Variants in ASPSCR1 observed in about 807,000 individuals in gnomAD.
ASPSCR1 encodes the protein ASPSCR1 tether for SLC2A4, UBX domain containing, also known as tether containing UBX domain for GLUT4.
Under a neutral mutation model 68.9 loss-of-function variants are expected in ASPSCR1, and 55 were observed. That is an observed-to-expected ratio of 0.80 (90% confidence interval 0.64 to 1.00). The LOEUF (loss-of-function observed/expected upper bound fraction) is 1.00. Ranked by LOEUF, ASPSCR1 falls within the 50% of genes least tolerant of loss-of-function variation. The pLI, the probability that ASPSCR1 is intolerant of heterozygous loss-of-function variation, is 0.00. For missense variants in ASPSCR1, 765 were observed against 762.2 expected (o/e 1.00, Z -0.04); for synonymous variants, 352 against 332.6 (o/e 1.06, Z -0.63).
At chr17:82,016,662 C>A in intron 13 of ASPSCR1, 135 bp downstream of exon 13, 1 of 1,442,882 alleles carries the variant, frequency 6.9e-7, no homozygotes, top group South Asian at 1.2e-5. Context: ...CCCCAGTAAC[C>A]ACCTCCCCGA....
rs1034608668 is a variant in ASPSCR1, at chr17:81,983,144, C to T, written c.159-410C>T. On this transcript the variant is annotated intron_variant, in intron 2 of 15. Coordinates refer to ENST00000306739, the MANE Select transcript of ASPSCR1 (RefSeq NM_024083.4). The surrounding 1 kb of genome is among the most constrained non-coding windows in gnomAD (Gnocchi z 4.4). The stretch of plus-strand genomic sequence containing the variant: ...ACAGGCGTGAGCCACTGCGCCCGGG[C>T]AGTCAGGTTTTCTGTGGTGGCTCCA... Among the ~76,000 whole-genome samples, 1 of 152,248 alleles carries T rather than the reference C, an allele frequency of 6.6e-6. No homozygotes were observed. Among genetic ancestry groups the T allele is most frequent in the African/African-American group, 2.4e-5 (1 of 41,472 alleles).
At chr17:81,996,935 G>A (rs918180592) in intron 7 of ASPSCR1, 89 bp downstream of exon 7, 15 of 1,510,024 alleles carry the variant, frequency 9.9e-6, no homozygotes, top group East Asian at 2.3e-5. Flanking sequence ...GCCTGGTGGC[G>A]TGGCCGTGAT....
chr17:81,995,247 C>T (rs867216769), intron 5 of ASPSCR1: 114 of 407,252 alleles, frequency 2.8e-4, no homozygotes, highest in African/African-American at 1.9e-3. Flanking sequence ...CTCACAGGGG[C>T]CTTTTGTTTC....
intron 7 of ASPSCR1, among the ~76,000 whole-genome samples, chr17:82,001,386 C>G (rs2042525333): frequency 6.6e-6 from 1 of 152,172 alleles, no homozygotes; most frequent in Non-Finnish European, 1.5e-5. Context: ...TGGCCCAGGT[C>G]CCTGCTATGC....
intron 3 of ASPSCR1, among the ~76,000 whole-genome samples, chr17:81,984,773 CCACACACACCCA>C (rs1186163981): frequency 1.3e-5 from 2 of 151,248 alleles, no homozygotes; most frequent in East Asian, 1.9e-4. Context: ...CTGCATGTAC[CCACACACACCCA>C]CACACACCCC....
chr17:81,999,725 C>G lies in ASPSCR1; in HGVS notation c.933+2879C>G, dbSNP rs1033655075. Reference sequence around the variant, plus strand: ...CCCTGGGCACTCGTGCTACGTGTCCCGGAACTCAGGTGAGGTCAGGAGTTT... The same window carrying G: ...CCCTGGGCACTCGTGCTACGTGTCCGGGAACTCAGGTGAGGTCAGGAGTTT... On this transcript the variant is annotated intron_variant, in intron 7 of 15. Coordinates refer to ENST00000306739, the MANE Select transcript of ASPSCR1 (RefSeq NM_024083.4). This position sits in a 1 kb window ranked among gnomAD's most constrained non-coding sequence, Gnocchi z 4.4. 6.6e-6 allele frequency among the ~76,000 whole-genome samples: 1 copy of G among 152,154 alleles called. No homozygotes were observed. The highest frequency in any genetic ancestry group is 6.5e-5 in the Admixed American group (1 of 15,272).
intron 7 of ASPSCR1, chr17:82,004,347 C>G (rs2042637875): frequency 6.6e-6 from 1 of 152,084 alleles, no homozygotes; most frequent in Non-Finnish European, 1.5e-5. Flanking sequence ...CTTCCAGTTT[C>G]GGGGCATCTG....
At position 81,977,651 on chromosome 17, in the gene ASPSCR1, C is replaced by A; in HGVS notation, c.5C>A (p.Ala2Glu). Residue 2 changes from alanine to glutamate, a missense_variant, in exon 1 of 16, where the codon GCG (alanine) becomes GAG (glutamate). Ala to Glu is a moderately radical substitution (Grantham distance 107). Transcript: ENST00000306739. This position sits in a 1 kb window ranked among gnomAD's most constrained non-coding sequence, Gnocchi z 5.0. M[A>E]APAGGGGSAV... ...GGCGGGTCACGTGAGCGGAAAATGG[C>A]GGCCCCGGCAGGCGGCGGAGGCTCC... The A allele has an allele frequency of 2.2e-6, 3 of 1,395,042 alleles. No homozygotes were observed. Among genetic ancestry groups the A allele is most frequent in the Non-Finnish European group, 2.8e-6 (3 of 1,071,684 alleles). 86.4% of individuals were successfully genotyped at this position (1,395,042 alleles called of 1,614,324 possible).
chr17:81,977,768 G>C lies in ASPSCR1; in HGVS notation c.102+20G>C, dbSNP rs2041647454. ...CTTCAGGTGCGGCCGCCCGCCCGGG[G>C]CGGACGGGTAGGCGGGCGGGGGGCG... On this transcript the variant is annotated intron_variant, in intron 1 of 15. Coordinates refer to ENST00000306739, the MANE Select transcript of ASPSCR1 (RefSeq NM_024083.4). The surrounding 1 kb of genome is among the most constrained non-coding windows in gnomAD (Gnocchi z 5.0). 8.2e-7 allele frequency: 1 copy of C among 1,217,394 alleles called. No homozygotes were observed. The highest frequency in any genetic ancestry group is 1.0e-6 in the Non-Finnish European group (1 of 977,696). The allele number at this position is 1,217,394 out of a possible 1,614,324, so 75.4% of individuals were successfully genotyped here. A position where few individuals can be genotyped will look rare whatever the true frequency, so the allele number is the denominator to read the frequency against.
Position 81,987,725 on chromosome 17 carries a change from G to A in ASPSCR1, c.374+2118G>A, listed in dbSNP as rs2042041267. 6.6e-6 allele frequency among the ~76,000 whole-genome samples: 1 copy of A among 151,998 alleles called. No individual in the cohort carries two copies. The highest frequency in any genetic ancestry group is 1.5e-5 in the Non-Finnish European group (1 of 67,988). ...GGCCAGGCGTGGTGGTTCTGGAAGT[G>A]GCTTTGGAGCTGGCTTTGGTGGTGG... On this transcript the variant is annotated intron_variant, in intron 4 of 15. Coordinates refer to ENST00000306739, the MANE Select transcript of ASPSCR1 (RefSeq NM_024083.4). The surrounding 1 kb of genome is among the most constrained non-coding windows in gnomAD (Gnocchi z 5.6).
At chr17:81,979,899 A>G (rs1028120003) in intron 2 of ASPSCR1, among the ~76,000 whole-genome samples, 2 of 152,258 alleles carry the variant, frequency 1.3e-5, no homozygotes, top group Non-Finnish European at 2.9e-5. Flanking sequence ...CAGAAGGGTC[A>G]GAGCCCTCAT....
chr17:82,015,595 G>A, intron 12 of ASPSCR1: 2 of 591,454 alleles, frequency 3.4e-6, no homozygotes, highest in Admixed American at 6.1e-5. Flanking sequence ...GGCAGCAGGT[G>A]GGATGCAGAT....
chr17:81,991,392 A>G (rs2042157173), intron 4 of ASPSCR1, among the ~76,000 whole-genome samples: 1 of 152,146 alleles, frequency 6.6e-6, no homozygotes, highest in African/African-American at 2.4e-5. Flanking sequence ...GGCTCCGGGA[A>G]AGCTGGGTGA....
chr17:82,013,241 C>T (rs1056824717), intron 12 of ASPSCR1: 4 of 152,284 alleles, frequency 2.6e-5, no homozygotes, highest in African/African-American at 7.2e-5. Flanking sequence ...CCTCCGTCTC[C>T]ATCCCCTCCC....
At chr17:81,995,071 C>T (rs768500602) in intron 5 of ASPSCR1, 193 bp downstream of exon 5, 99 of 560,142 alleles carry the variant, frequency 1.8e-4, no homozygotes, top group Middle Eastern at 1.3e-3. Context: ...CCTCCCTCGG[C>T]GCCCTGTTTG....
At chr17:81,996,986 G>T in intron 7 of ASPSCR1, 140 bp downstream of exon 7, 1 of 1,484,800 alleles carries the variant, frequency 6.7e-7, no homozygotes, top group Non-Finnish European at 8.9e-7. Flanking sequence ...ACCCAAACGC[G>T]GGGCTCTGGA....
At chr17:81,995,034 G>A in intron 5 of ASPSCR1, 156 bp downstream of exon 5, 2 of 801,754 alleles carry the variant, frequency 2.5e-6, no homozygotes, top group Non-Finnish European at 3.7e-6. Context: ...GGAGTGGCCG[G>A]CCCTCGGAGC....
At chr17:82,009,275 C>T in intron 8 of ASPSCR1, 84 bp downstream of exon 8, 1 of 1,474,670 alleles carries the variant, frequency 6.8e-7, no homozygotes, top group Admixed American at 2.3e-5. Context: ...GTCCCCAGTG[C>T]CAGCACTGGC....
chr17:81,995,956 T>A (rs1312436753), intron 5 of ASPSCR1, 36 bp from the exon 6 acceptor site: 3 of 1,596,854 alleles, frequency 1.9e-6, no homozygotes, highest in Non-Finnish European at 1.7e-6. Flanking sequence ...GGGGTCCCGG[T>A]GCAAGGCGCA....
Sources: gnomAD v4.1 joint callset for allele counts (sites outside exome capture counted in the v4.1 genomes callset) on GRCh38, gnomAD v4.1.1 for gene constraint, Gnocchi (gnomAD v3.1) non-coding constraint, MANE v1.5 for transcripts, NCBI Gene and HGNC (gene_info 2026-07-23, HGNC 2026-07-21) for gene names.